ABCA9: variants seen among roughly 807,000 people sequenced by gnomAD.
ABCA9 encodes the protein ATP binding cassette subfamily A member 9.
In ABCA9, 183 loss-of-function variants were observed where a neutral mutation model predicts 205.3. That is an observed-to-expected ratio of 0.89 (90% CI 0.79 to 1.01). The LOEUF is 1.01. Among genes scored for constraint, ABCA9 ranks in the 50% least tolerant of loss-of-function variants. ABCA9 has a pLI of 0.00. For synonymous variants in ABCA9, 651 were observed against 683.3 expected (o/e 0.95, Z 0.74); for missense variants, 1,805 against 1,912.4 (o/e 0.94, Z 1.05).
In ABCA9 at chr17:69,021,894, T is replaced by C. The variant is rs756839261; in HGVS notation, c.2282-33A>G. On this transcript the variant is annotated intron_variant, in intron 17 of 38. Transcript: ENST00000340001. ...TGGATACAAAAACAGATTATAAGAA[T>C]ATAATTTATAATGAGAACCATATTT... 7.5e-6 allele frequency: 10 copies of C among 1,327,682 alleles called. 1 individual carries two copies. In the South Asian group the frequency reaches 1.5e-4, roughly 20 times the overall value. 82.2% of individuals were successfully genotyped at this position (1,327,682 alleles called of 1,614,324 possible).
At chr17:69,022,494 T>TTGTGTGTGTGTGTG (rs759682144) in intron 17 of ABCA9, 2 of 147,324 alleles carry the variant, frequency 1.4e-5, no homozygotes, top group African/African-American at 2.5e-5. Flanking sequence ...CTGGCTAATT[T>TTGTGTGTGTGTGTG]TGTGTGTGTG....
intron 1 of ABCA9, among the ~76,000 whole-genome samples, chr17:69,059,480 C>T (rs536522616): frequency 2.0e-5 from 3 of 151,862 alleles, no homozygotes; most frequent in Admixed American, 6.6e-5. Context: ...AGACCATGAA[C>T]CAAAGAATGC....
intron 6 of ABCA9, among the ~76,000 whole-genome samples, chr17:69,036,773 C>G (rs1005127592): frequency 4.1e-5 from 6 of 147,364 alleles, no homozygotes; most frequent in Non-Finnish European, 6.0e-5. Context: ...AGTCAAGACC[C>G]ATTTGTGTGC....
In ABCA9 at chr17:69,045,292, A is replaced by G. The variant is rs770086711; in HGVS notation, c.349T>C (p.Leu117=). 1 of 1,611,776 alleles carries G rather than the reference A, an allele frequency of 6.2e-7. No individual in the cohort carries two copies. Among genetic ancestry groups the G allele is most frequent in the Non-Finnish European group, 8.5e-7 (1 of 1,178,894 alleles). Residue 117 remains leucine (L), a synonymous_variant, in exon 4 of 39, where the codon TTG becomes CTG. Transcript: ENST00000340001. ...GCGTCTATTGAATAGTTCAAATCCA[A>G]TTCATCCATGCTTTTTTCATCAGGC... is the stretch of plus-strand genomic sequence containing the variant. ...GWPDEKSMDE[L]DLNYSIDAVR...
intron 25 of ABCA9, among the ~76,000 whole-genome samples, chr17:69,005,653 C>T (rs1046383694): frequency 1.3e-5 from 2 of 152,174 alleles, no homozygotes; most frequent in South Asian, 2.1e-4. Context: ...TTCTTTGTTT[C>T]GTTCTACCCT....
intron 23 of ABCA9, among the ~76,000 whole-genome samples, chr17:69,009,143 T>TTAAG (rs1404390830): frequency 6.6e-6 from 1 of 152,134 alleles, no homozygotes; most frequent in African/African-American, 2.4e-5. Context: ...ACTTATAAAT[T>TTAAG]TAAGTTGCAG....
At chr17:69,078,973 T>C in the ABCA9 span, 3 of 1,602,550 alleles carry the variant, frequency 1.9e-6, no homozygotes, top group Admixed American at 3.4e-5. Context: ...GTTTGAGGTT[T>C]TAAGGTTCAT....
chr17:69,027,065 T>G lies in ABCA9; in HGVS notation c.1961A>C (p.His654Pro). ...CTCTTTCAGGAGATTCCATATTCGG[T>G]GCCTTGAAAGAGGATCCAATCCAGC... ...PTAGLDPLSR[H>P]RIWNLLKEGK... The change falls in exon 15 of 39, where the codon CAC becomes CCC. Residue 654 changes from histidine to proline, a missense_variant. Coordinates refer to ENST00000340001, the MANE Select transcript of ABCA9 (RefSeq NM_080283.4). 1 of 1,614,138 alleles carries G rather than the reference T, an allele frequency of 6.2e-7. No homozygotes were observed. Among genetic ancestry groups the G allele is most frequent in the Non-Finnish European group, 8.5e-7 (1 of 1,180,004 alleles).
At chr17:69,044,371 G>A (rs1430027977) in intron 5 of ABCA9, 126 bp downstream of exon 5, 9 of 767,668 alleles carry the variant, frequency 1.2e-5, no homozygotes, top group Non-Finnish European at 1.8e-5. Context: ...TTTTATTATG[G>A]AAGTTGTTCT....
upstream of ABCA9, chr17:69,061,067 T>G: frequency 1.0e-6 from 1 of 985,462 alleles, no homozygotes; most frequent in Non-Finnish European, 1.2e-6. Context: ...TATCTTCTGC[T>G]CACGTGGTGA....
At position 69,021,719 on chromosome 17, in the gene ABCA9, TTC is replaced by T. The variant is rs1373572723; in HGVS notation, c.2401+21_2401+22del. 4.2e-6 allele frequency: 6 copies of T among 1,440,156 alleles called. No individual in the cohort carries two copies. The East Asian group carries it at 1.2e-4, about 28-fold the overall frequency. The allele number at this position is 1,440,156 out of a possible 1,614,324, so 89.2% of individuals were successfully genotyped here. A position where few individuals can be genotyped will look rare whatever the true frequency, so the allele number is the denominator to read the frequency against. On this transcript the variant is annotated intron_variant, in intron 18 of 38. Coordinates refer to ENST00000340001, the MANE Select transcript of ABCA9 (RefSeq NM_080283.4). ...TTCCTTTCTTTCTTTCTCCCTTTCT[TTC>T]TCTTTCTTATTTTTTCTTACCTGAT...
chr17:69,027,481 C>T (rs377408423), intron 13 of ABCA9, 32 bp from the exon 14 acceptor site: 1 of 1,581,208 alleles, frequency 6.3e-7, no homozygotes, highest in Non-Finnish European at 8.6e-7. Flanking sequence ...AGTCCAAAAC[C>T]CAGAAAGTTT....
At chr17:69,069,285 T>C in the ABCA9 span, among the ~76,000 whole-genome samples, 2 of 152,100 alleles carry the variant, frequency 1.3e-5, no homozygotes, top group African/African-American at 2.4e-5. Flanking sequence ...GAGCCAGAAA[T>C]TGGTAGGACG....
intron 20 of ABCA9, 106 bp downstream of exon 20, chr17:69,018,307 T>C (rs2070699718): frequency 9.4e-7 from 1 of 1,065,688 alleles, no homozygotes; most frequent in African/African-American, 1.6e-5. Context: ...CATATATGCT[T>C]TCTAAAACAT....
chr17:68,984,849 A>G, intron 34 of ABCA9, 36 bp downstream of exon 34: 1 of 1,613,700 alleles, frequency 6.2e-7, no homozygotes. Flanking sequence ...CAGGATCAAT[A>G]CACTCATGCA....
chr17:69,029,271 G>A (rs1341220339), intron 10 of ABCA9, 44 bp from the exon 11 acceptor site: 2 of 1,264,380 alleles, frequency 1.6e-6, no homozygotes, highest in Admixed American at 2.1e-5. Context: ...GTAAAAATGT[G>A]CAGAGGATTG....
At chr17:68,991,896 T>A (rs1408053495) in intron 28 of ABCA9, among the ~76,000 whole-genome samples, 1 of 152,178 alleles carries the variant, frequency 6.6e-6, no homozygotes, top group African/African-American at 2.4e-5. Context: ...TATTTACCCA[T>A]TATTTTAGAG....
chr17:69,051,248 C>T, intron 1 of ABCA9, 109 bp from the exon 2 acceptor site: 1 of 943,342 alleles, frequency 1.1e-6, no homozygotes, highest in Non-Finnish European at 1.5e-6. Flanking sequence ...AGTTGCATTC[C>T]TGGAGAAGAA....
In ABCA9 at chr17:69,017,739, T is replaced by C. The variant is rs762737444; in HGVS notation, c.2818A>G (p.Ile940Val). The change falls in exon 21 of 39, where the codon ATA becomes GTA. Residue 940 changes from isoleucine to valine, a missense_variant. Coordinates refer to ENST00000340001, the MANE Select transcript of ABCA9 (RefSeq NM_080283.4). ...CTAGTTCCAAAGGCATCCACTTCTA[T>C]AGCTATGTTCTGTCGCCTCAGTGAA... ...LHSLRRQNIA[I>V]EVDAFGTRNG... 3 of 1,613,332 alleles carry C rather than the reference T, an allele frequency of 1.9e-6. No homozygotes were observed. The highest frequency in any genetic ancestry group is 1.7e-5 in the Admixed American group (1 of 59,962).
Sources: allele counts gnomAD v4.1 joint callset (sites outside exome capture counted in the v4.1 genomes callset), GRCh38; gene constraint gnomAD v4.1.1; transcripts MANE v1.5; gene names NCBI Gene and HGNC (gene_info 2026-07-23, HGNC 2026-07-21).